Variants in RAP1GAP2 observed in about 807,000 individuals in gnomAD.
RAP1GAP2 encodes the protein RAP1 GTPase activating protein 2.
RAP1GAP2 carries 27 observed loss-of-function variants against 95.0 expected under a neutral mutation model. That is an observed-to-expected ratio of 0.28 (90% confidence interval 0.21 to 0.39). The LOEUF is 0.39. Ranked by LOEUF, RAP1GAP2 falls within the 10% of genes least tolerant of loss-of-function variation. The pLI is 1.00. For missense variants in RAP1GAP2, 771 were observed against 970.0 expected, an observed-to-expected ratio of 0.79 and a Z score of 2.72; for synonymous variants, 373 against 380.9, an observed-to-expected ratio of 0.98 and a Z score of 0.24.
intron 3 of RAP1GAP2, among the ~76,000 whole-genome samples, chr17:2,921,047 CT>C (rs1250274978): frequency 6.6e-6 from 1 of 152,150 alleles, no homozygotes; most frequent in Admixed American, 6.5e-5. Flanking sequence ...CCGCTGGCTT[CT>C]TCTCCCGGAG....
intron 2 of RAP1GAP2, among the ~76,000 whole-genome samples, chr17:2,868,073 C>G (rs534338580): frequency 6.6e-6 from 1 of 152,202 alleles, no homozygotes; most frequent in African/African-American, 2.4e-5. Flanking sequence ...GGTTGGCTCT[C>G]GGCTCTGGGA....
In RAP1GAP2 at chr17:2,903,701, C is replaced by T. The variant is rs2042099253; in HGVS notation, c.81-1583C>T. Among the ~76,000 whole-genome samples the T allele has an allele frequency of 6.6e-6, 1 of 152,226 alleles. No homozygotes were observed. Among genetic ancestry groups the T allele is most frequent in the Non-Finnish European group, 1.5e-5 (1 of 68,034 alleles). ...AGGTTAATGGGGTGGAATGGATTCTCTGCCAAGCCAGGTAGTCCCCAGGCC... is the reference window on the plus strand; with the variant it reads ...AGGTTAATGGGGTGGAATGGATTCTTTGCCAAGCCAGGTAGTCCCCAGGCC... On this transcript the variant is annotated intron_variant, in intron 2 of 24. Coordinates refer to ENST00000254695, the MANE Select transcript of RAP1GAP2 (RefSeq NM_015085.5). This position sits in a 1 kb window ranked among gnomAD's most constrained non-coding sequence, Gnocchi z 4.1.
intron 2 of RAP1GAP2, among the ~76,000 whole-genome samples, chr17:2,880,602 G>C (rs2151666602): frequency 6.6e-6 from 1 of 152,036 alleles, no homozygotes; most frequent in Non-Finnish European, 1.5e-5. Context: ...TCATCATCCA[G>C]ATGGAAACTG....
At chr17:2,840,727 G>A (rs918933633) in intron 2 of RAP1GAP2, among the ~76,000 whole-genome samples, 2 of 152,150 alleles carry the variant, frequency 1.3e-5, no homozygotes. Context: ...GCTGGGCACC[G>A]TGGCTCACGC....
chr17:3,025,924 G>A (rs568001852), intron 19 of RAP1GAP2, 84 bp from the exon 20 acceptor site: 38 of 1,039,076 alleles, frequency 3.7e-5, no homozygotes, highest in African/African-American at 1.6e-4. Context: ...TCACCGTGCC[G>A]AGAGAGGCTC....
chr17:2,929,790 G>A (rs1048879878), intron 3 of RAP1GAP2, among the ~76,000 whole-genome samples: 8 of 152,206 alleles, frequency 5.3e-5, no homozygotes, highest in Middle Eastern at 3.2e-3. Context: ...GATCCAGGCT[G>A]CCTGATAGTT....
At chr17:2,948,372 A>G (rs1307392521) in intron 3 of RAP1GAP2, among the ~76,000 whole-genome samples, 1 of 152,184 alleles carries the variant, frequency 6.6e-6, no homozygotes, top group Non-Finnish European at 1.5e-5. Context: ...AGTGAGAGTC[A>G]CTTCTCCAGC....
chr17:2,961,742 G>C (rs1230142917), intron 4 of RAP1GAP2, among the ~76,000 whole-genome samples: 1 of 152,194 alleles, frequency 6.6e-6, no homozygotes, highest in Non-Finnish European at 1.5e-5. Flanking sequence ...GTCACAAATA[G>C]TAAGTTCGCA....
At chr17:2,786,542 G>A (rs1011049047) in intron 1 of RAP1GAP2, among the ~76,000 whole-genome samples, 1 of 152,252 alleles carries the variant, frequency 6.6e-6, no homozygotes, top group Non-Finnish European at 1.5e-5. Flanking sequence ...ACCCAGCTGG[G>A]TGGGTGTGGG....
rs2069417980 is a variant in RAP1GAP2, at chr17:2,804,218, T to TTGGTGCCTCCCCAGGTGTCCC, written c.80+3671_80+3691dup. Among the ~76,000 whole-genome samples the TTGGTGCCTCCCCAGGTGTCCC allele has an allele frequency of 2.6e-5, 4 of 152,350 alleles. 1 individual carries two copies. In the Middle Eastern group the frequency reaches 0.01, roughly 389 times the overall value. On this transcript the variant is annotated intron_variant, in intron 2 of 24. Transcript: ENST00000254695. Reference sequence around the variant, plus strand: ...CTCCCTCCCCAAGGACCTGGTGTCCTTGGTGCCTCCCCAGGTGTCCCTGAG... The same window carrying TTGGTGCCTCCCCAGGTGTCCC: ...CTCCCTCCCCAAGGACCTGGTGTCCTTGGTGCCTCCCCAGGTGTCCCTGGTGCCTCCCCAGGTGTCCCTGAG...
chr17:2,863,095 A>G (rs78062351), intron 2 of RAP1GAP2, among the ~76,000 whole-genome samples: 1 of 151,054 alleles, frequency 6.6e-6, no homozygotes, highest in Non-Finnish European at 1.5e-5. Flanking sequence ...CTTTATACCC[A>G]TGGCAGAAGG....
At chr17:3,009,009 T>C (rs2046423908) in intron 17 of RAP1GAP2, among the ~76,000 whole-genome samples, 1 of 152,194 alleles carries the variant, frequency 6.6e-6, no homozygotes, top group Non-Finnish European at 1.5e-5. Context: ...CTGGATTGCC[T>C]GTTAGAAGGT....
intron 3 of RAP1GAP2, among the ~76,000 whole-genome samples, chr17:2,925,331 AAG>A (rs150890829): frequency 0.018 from 2,770 of 152,300 alleles, 69 homozygotes; most frequent in African/African-American, 0.063. Context: ...TTTATAAAGA[AAG>A]AGGTTTAATT....
chr17:2,969,118 A>G (rs1030284613), intron 8 of RAP1GAP2, among the ~76,000 whole-genome samples: 1 of 151,830 alleles, frequency 6.6e-6, no homozygotes, highest in Non-Finnish European at 1.5e-5. Flanking sequence ...TAGGGTTAGA[A>G]ATGACATTTA....
chr17:2,952,766 T>C (rs1454313213), intron 3 of RAP1GAP2, among the ~76,000 whole-genome samples: 1 of 152,182 alleles, frequency 6.6e-6, no homozygotes, highest in Non-Finnish European at 1.5e-5. Flanking sequence ...TTATTTTATG[T>C]GTGTCCTTTA....
intron 3 of RAP1GAP2, among the ~76,000 whole-genome samples, chr17:2,918,876 C>G (rs2151761152): frequency 6.6e-6 from 1 of 152,222 alleles, no homozygotes; most frequent in African/African-American, 2.4e-5. Flanking sequence ...AGATAATATG[C>G]CTTTATTGCT....
intron 11 of RAP1GAP2, among the ~76,000 whole-genome samples, chr17:2,990,593 G>A (rs1418300670): frequency 6.6e-6 from 1 of 152,194 alleles, no homozygotes; most frequent in Non-Finnish European, 1.5e-5. Flanking sequence ...GACCTGCCTG[G>A]GAGTGCTGTT....
At chr17:2,919,341 G>A (rs2042674961) in intron 3 of RAP1GAP2, among the ~76,000 whole-genome samples, 1 of 152,172 alleles carries the variant, frequency 6.6e-6, no homozygotes, top group Admixed American at 6.5e-5. Flanking sequence ...GAACCTGCAG[G>A]GTCGCCATCC....
intron 3 of RAP1GAP2, among the ~76,000 whole-genome samples, chr17:2,957,052 C>T (rs550757168): frequency 2.1e-4 from 32 of 150,344 alleles, no homozygotes; most frequent in African/African-American, 1.2e-4. Flanking sequence ...GGCGTGAACC[C>T]GGGAGGCGGA....
Sources: allele counts gnomAD v4.1 joint callset (sites outside exome capture counted in the v4.1 genomes callset), GRCh38; gene constraint gnomAD v4.1.1; non-coding constraint Gnocchi (gnomAD v3.1); transcripts MANE v1.5; gene names NCBI Gene and HGNC (gene_info 2026-07-23, HGNC 2026-07-21).